ZC3H12B: variants seen among roughly 807,000 people sequenced by gnomAD.
The protein encoded by ZC3H12B is probable ribonuclease ZC3H12B.
Under a neutral mutation model 43.9 loss-of-function variants are expected in ZC3H12B, and 7 were observed. That is an observed-to-expected ratio of 0.16 (90% CI 0.09 to 0.30). The LOEUF is 0.30. ZC3H12B is among the 10% of genes least tolerant of loss of function. The pLI is 1.00. For synonymous variants in ZC3H12B, 222 were observed against 241.7 expected, an observed-to-expected ratio of 0.92 and a Z score of 0.76; for missense variants, 475 against 670.2, an observed-to-expected ratio of 0.71 and a Z score of 3.22.
chrX:65,444,689 G>T (rs2067352522), intron 3 of ZC3H12B, among the ~76,000 whole-genome samples: 1 of 111,996 alleles, frequency 8.9e-6, no homozygotes, highest in South Asian at 3.7e-4. Context: ...AAGCAACTTT[G>T]GAACTAGGTA....
chrX:65,062,798 A>C, the ZC3H12B span, among the ~76,000 whole-genome samples: 1 of 112,089 alleles, frequency 8.9e-6, no homozygotes, highest in East Asian at 2.8e-4. Flanking sequence ...TGAGCATGGA[A>C]TGTTTTTCCT....
intron 2 of ZC3H12B, among the ~76,000 whole-genome samples, chrX:65,380,480 C>T (rs1317887206): frequency 1.8e-5 from 2 of 111,717 alleles, no homozygotes; most frequent in African/African-American, 6.5e-5. Context: ...AAAGGAACAA[C>T]CGGTACCAGC....
chrX:65,285,763 A>T, the ZC3H12B span, among the ~76,000 whole-genome samples: 3 of 111,846 alleles, frequency 2.7e-5, no homozygotes, highest in Admixed American at 2.9e-4. Flanking sequence ...CACATTAAGT[A>T]TAAAATTTAT....
chrX:65,321,218 G>A, the ZC3H12B span, among the ~76,000 whole-genome samples: 2 of 111,154 alleles, frequency 1.8e-5, no homozygotes, highest in African/African-American at 6.6e-5. Flanking sequence ...CAATTAAAAA[G>A]TGGACAAAGG....
chrX:65,159,974 G>T, the ZC3H12B span, among the ~76,000 whole-genome samples: 1 of 111,650 alleles, frequency 9.0e-6, no homozygotes, highest in Non-Finnish European at 1.9e-5. Flanking sequence ...TAGCATGAAG[G>T]GCTGTTGAAT....
At chrX:65,304,360 T>A in the ZC3H12B span, among the ~76,000 whole-genome samples, 2 of 111,941 alleles carry the variant, frequency 1.8e-5, no homozygotes, top group African/African-American at 6.5e-5. Flanking sequence ...CTCACGCCTG[T>A]AATCCTAGCA....
the ZC3H12B span, among the ~76,000 whole-genome samples, chrX:65,237,561 T>C: frequency 1.8e-5 from 2 of 108,360 alleles, no homozygotes; most frequent in Non-Finnish European, 3.8e-5. Context: ...TTTTTTTTTC[T>C]CTTGCCTGAT....
intron 2 of ZC3H12B, among the ~76,000 whole-genome samples, chrX:65,389,077 G>T (rs1181041617): frequency 8.9e-6 from 1 of 112,189 alleles, no homozygotes; most frequent in African/African-American, 3.2e-5. Flanking sequence ...TAGGCTACTT[G>T]GGGTTCAGGG....
intron 3 of ZC3H12B, among the ~76,000 whole-genome samples, chrX:65,428,310 T>C (rs957490443): frequency 8.9e-6 from 1 of 112,261 alleles, no homozygotes; most frequent in African/African-American, 3.2e-5. Flanking sequence ...TTTACCTGTA[T>C]TGCTAGATAG....
chrX:65,263,367 G>A, the ZC3H12B span, among the ~76,000 whole-genome samples: 255 of 110,873 alleles, frequency 2.3e-3, 2 homozygotes, highest in African/African-American at 7.7e-3. Flanking sequence ...TAAATGTCTC[G>A]TAGAGAAATT....
chrX:65,396,722 T>C (rs2066703448), intron 2 of ZC3H12B, among the ~76,000 whole-genome samples: 1 of 111,206 alleles, frequency 9.0e-6, no homozygotes, highest in Non-Finnish European at 1.9e-5. Context: ...TTAGGTCCAC[T>C]TGGTCCAGAG....
At chrX:65,143,457 AT>A in the ZC3H12B span, among the ~76,000 whole-genome samples, 2 of 109,343 alleles carry the variant, frequency 1.8e-5, no homozygotes, top group African/African-American at 3.3e-5. Flanking sequence ...TGATCAAGTG[AT>A]TTTTTTTAAT....
chrX:65,278,841 CTTCT>C, the ZC3H12B span, among the ~76,000 whole-genome samples: 2 of 101,665 alleles, frequency 2.0e-5, no homozygotes, highest in African/African-American at 7.2e-5. Context: ...CTATTGTTTC[CTTCT>C]TTGTGTTCAT....
At chrX:65,300,518 G>A in the ZC3H12B span, among the ~76,000 whole-genome samples, 3 of 111,265 alleles carry the variant, frequency 2.7e-5, no homozygotes, top group East Asian at 5.7e-4. Context: ...CCCGGCCCAA[G>A]GAGAGTCTGA....
chrX:65,092,537 T>C, the ZC3H12B span, among the ~76,000 whole-genome samples: 2 of 111,890 alleles, frequency 1.8e-5, no homozygotes, highest in African/African-American at 6.5e-5. Flanking sequence ...TATTGGAAAC[T>C]GAAGCAAAGG....
chrX:65,211,280 T>C, the ZC3H12B span, among the ~76,000 whole-genome samples: 1,434 of 108,893 alleles, frequency 0.013, 10 homozygotes, highest in Non-Finnish European at 0.019. Context: ...GATGATAGTT[T>C]CTTTTGCTGT....
chrX:65,313,210 AG>A, the ZC3H12B span, among the ~76,000 whole-genome samples: 1 of 111,739 alleles, frequency 8.9e-6, no homozygotes, highest in African/African-American at 3.2e-5. Flanking sequence ...ATGAATTTTG[AG>A]GGGGGCACAA....
the ZC3H12B span, among the ~76,000 whole-genome samples, chrX:65,219,316 C>T: frequency 6.4e-3 from 713 of 111,250 alleles, 1 homozygote; most frequent in Non-Finnish European, 0.011. Flanking sequence ...GTGTCCAAAC[C>T]GAATTGCCAA....
chrX:65,290,005 G>A, the ZC3H12B span, among the ~76,000 whole-genome samples: 2 of 110,731 alleles, frequency 1.8e-5, no homozygotes, highest in Non-Finnish European at 3.8e-5. Context: ...AAGCTTCTAT[G>A]TAGTAAAAAA....
Sources: allele counts gnomAD v4.1 joint callset (sites outside exome capture counted in the v4.1 genomes callset), GRCh38; gene constraint gnomAD v4.1.1; transcripts MANE v1.5; gene names NCBI Gene and HGNC (gene_info 2026-07-23, HGNC 2026-07-21).